NPHS1: variants seen among roughly 807,000 people sequenced by gnomAD.
NPHS1 encodes the protein nephrin.
Under a neutral mutation model 139.7 loss-of-function variants are expected in NPHS1, and 107 were observed. That is an observed-to-expected ratio of 0.77 (90% CI 0.66 to 0.90). The LOEUF is 0.90. NPHS1 is among the 40% of genes least tolerant of loss of function. NPHS1 has a pLI of 0.00. For missense variants in NPHS1, 1,580 were observed against 1,654.2 expected (o/e 0.96, Z 0.78); for synonymous variants, 707 against 706.6 (o/e 1.00, Z -0.01).
At position 35,842,481 on chromosome 19, in the gene NPHS1, G is replaced by C; in HGVS notation, c.2404C>G (p.Arg802Gly). 6.2e-7 allele frequency: 1 copy of C among 1,614,134 alleles called. No individual in the cohort carries two copies. The highest frequency in any genetic ancestry group is 8.5e-7 in the Non-Finnish European group (1 of 1,180,012). The change falls in exon 18 of 29, where the codon CGG becomes GGG. Residue 802 changes from arginine (R) to glycine (G), a missense_variant. Arg to Gly is a moderately radical substitution (Grantham distance 125). Coordinates refer to ENST00000378910, the MANE Select transcript of NPHS1 (RefSeq NM_004646.4). ...KISRGPTGRL[R>G]IHHAKLAQAG... ...TGGGCCAGTTTGGCATGGTGAATCC[G>C]CAGGCGCCCCGTTGGTCCCCTGGAT...
At chr19:35,839,032 G>A (rs1231383259) in intron 22 of NPHS1, among the ~76,000 whole-genome samples, 1 of 152,066 alleles carries the variant, frequency 6.6e-6, no homozygotes, top group Non-Finnish European at 1.5e-5. Context: ...GATAGTATGG[G>A]TTGTGGTTAA....
At chr19:35,837,714 T>G (rs986319942) in intron 22 of NPHS1, among the ~76,000 whole-genome samples, 11 of 151,996 alleles carry the variant, frequency 7.2e-5, no homozygotes, top group African/African-American at 2.7e-4. Flanking sequence ...GTGATTCTCT[T>G]GCCTCAGCCT....
At chr19:35,850,117 T>C (rs1204305873) in intron 5 of NPHS1, among the ~76,000 whole-genome samples, 1 of 152,108 alleles carries the variant, frequency 6.6e-6, no homozygotes. Flanking sequence ...GGTTTCACCA[T>C]GTTGACCCAG....
At chr19:35,847,640 G>C (rs996885457) in intron 11 of NPHS1, among the ~76,000 whole-genome samples, 81 of 150,836 alleles carry the variant, frequency 5.4e-4, no homozygotes, top group African/African-American at 1.9e-3. Context: ...ACAGGCGTGA[G>C]CCACTGTGCC....
At position 35,845,293 on chromosome 19, in the gene NPHS1, A is replaced by C; in HGVS notation, c.1930+75T>G. On this transcript the variant is annotated intron_variant, in intron 14 of 28. Transcript: ENST00000378910. This position sits in a 1 kb window ranked among gnomAD's most constrained non-coding sequence, Gnocchi z 5.5. ...AGAGAGAGAGAAGAGAAAAAGAAGGAAAAAAAGGTAAGACCCAAGGAGTAG... is the reference window on the plus strand; with the variant it reads ...AGAGAGAGAGAAGAGAAAAAGAAGGCAAAAAAGGTAAGACCCAAGGAGTAG... 2.7e-6 allele frequency: 4 copies of C among 1,509,358 alleles called. No individual in the cohort carries two copies. The South Asian group carries it at 4.5e-5, about 17-fold the overall frequency. The allele number at this position is 1,509,358 out of a possible 1,614,324, so 93.5% of individuals were successfully genotyped here. A position where few individuals can be genotyped will look rare whatever the true frequency, so the allele number is the denominator to read the frequency against.
At position 35,844,180 on chromosome 19, in the gene NPHS1, G is replaced by C; in HGVS notation, c.2135C>G (p.Ala712Gly). Residue 712 changes from alanine (A) to glycine (G), a missense_variant, in exon 16 of 29, where the codon GCG becomes GGG. Coordinates refer to ENST00000378910, the MANE Select transcript of NPHS1 (RefSeq NM_004646.4). ...GTGCAGCTGATAGAGGCCGTCGTCC[G>C]CGCGGGTCACATTCCACAGATGCAG... Reference protein sequence around the residue: ...GALHLWNVTRADDGLYQLHCQ... With the variant: ...GALHLWNVTRGDDGLYQLHCQ... 1 of 1,611,364 alleles carries C rather than the reference G, an allele frequency of 6.2e-7. No individual in the cohort carries two copies. The highest frequency in any genetic ancestry group is 8.5e-7 in the Non-Finnish European group (1 of 1,179,992).
intron 22 of NPHS1, among the ~76,000 whole-genome samples, chr19:35,838,171 G>A (rs1442242235): frequency 2.0e-5 from 3 of 151,852 alleles, no homozygotes; most frequent in Admixed American, 6.6e-5. Context: ...TCAAACCCAG[G>A]AGGCGGGGGT....
chr19:35,843,867 G>A (rs1365877224), intron 16 of NPHS1: 6 of 665,878 alleles, frequency 9.0e-6, no homozygotes, highest in Non-Finnish European at 1.5e-5. Context: ...CATTCCTGAC[G>A]GGAGCAGCTT....
Position 35,831,756 on chromosome 19 carries a change from G to A in NPHS1, c.3173C>T (p.Ser1058Leu), listed in dbSNP as rs201503587. ...CAGCACAGGCAGCAGGGGCAGCCCCGAGGGTCCTAGGGGTGGAAGATACCC... is the reference window on the plus strand; with the variant it reads ...CAGCACAGGCAGCAGGGGCAGCCCCAAGGGTCCTAGGGGTGGAAGATACCC... The part of the protein sequence containing the change: ...QLPTEPPSGP[S>L]GLPLLPVLFA... The change falls in exon 24 of 29, where the codon TCG (serine) becomes TTG (leucine). Residue 1058 changes from serine to leucine, a missense_variant. Physicochemically the swap from Ser to Leu is moderately radical, Grantham distance 145. Transcript: ENST00000378910. The A allele has an allele frequency of 2.8e-4, 445 of 1,568,658 alleles. No homozygotes were observed. Among genetic ancestry groups the A allele is most frequent in the Middle Eastern group, 4.1e-4 (2 of 4,898 alleles).
intron 11 of NPHS1, among the ~76,000 whole-genome samples, chr19:35,847,202 C>T (rs1345591153): frequency 2.6e-5 from 4 of 151,662 alleles, no homozygotes; most frequent in Admixed American, 6.6e-5. Context: ...CCTGCCACCA[C>T]GCCTGGCTAA....
At position 35,825,419 on chromosome 19, in the gene NPHS1, AAATGCACCCATCTTAAGTGTAAAGTTC is replaced by A. The variant is rs1972788370; in HGVS notation, c.*1068_*1094del. ...TTGAGATATCATTTATGTACAATAA[AAATGCACCCATCTTAAGTGTAAAGTTC>A]AATGAGTTTTGACAAATCTGTGCAC... On this transcript the variant is annotated 3_prime_UTR_variant, in exon 29 of 29. Transcript: ENST00000378910. 1.3e-5 allele frequency among the ~76,000 whole-genome samples: 2 copies of A among 152,154 alleles called. No individual in the cohort carries two copies. Among genetic ancestry groups the A allele is most frequent in the South Asian group, 4.1e-4 (2 of 4,832 alleles).
At position 35,842,114 on chromosome 19, in the gene NPHS1, TTGGGCTCACC is replaced by T. The variant is rs771953692; in HGVS notation, c.2663_2663+9del. 1 of 1,600,568 alleles carries T rather than the reference TTGGGCTCACC, an allele frequency of 6.2e-7. No homozygotes were observed. Among genetic ancestry groups the T allele is most frequent in the Admixed American group, 1.8e-5 (1 of 56,874 alleles). ...GGGCTGGAGTGCTGCCTGGCTGGGC[TTGGGCTCACC>T]TGGGATCTTGGAGATCCAGAGGGAC... On this transcript the variant is annotated splice_donor_variant and splice_donor_5th_base_variant and coding_sequence_variant and intron_variant, in exon 19 of 29. Coordinates refer to ENST00000378910, the MANE Select transcript of NPHS1 (RefSeq NM_004646.4). LOFTEE classifies it high-confidence loss of function.
Position 35,839,345 on chromosome 19 carries a change from T to C in NPHS1, c.3001A>G (p.Thr1001Ala), listed in dbSNP as rs1467086956. ...VPPQATTFTL[T>A]GLQPSTRYRV... ...TATCTTGTAGAAGGCTGTAGACCAGTCAGCGTGAAGGTGGTGGCCTGGGGT... is the reference window on the plus strand; with the variant it reads ...TATCTTGTAGAAGGCTGTAGACCAGCCAGCGTGAAGGTGGTGGCCTGGGGT... The change falls in exon 22 of 29, where the codon ACT becomes GCT. Residue 1001 changes from threonine to alanine, a missense_variant. By Grantham distance (58) the Thr-to-Ala change is moderately conservative. Coordinates refer to ENST00000378910, the MANE Select transcript of NPHS1 (RefSeq NM_004646.4). The C allele has an allele frequency of 6.2e-7, 1 of 1,614,180 alleles. No homozygotes were observed. Among genetic ancestry groups the C allele is most frequent in the South Asian group, 1.1e-5 (1 of 91,082 alleles).
Position 35,839,543 on chromosome 19 carries a change from C to T in NPHS1, c.2880G>A (p.Glu960=), listed in dbSNP as rs764842890. The T allele has an allele frequency of 1.2e-6, 2 of 1,614,222 alleles. No individual in the cohort carries two copies. Among genetic ancestry groups the T allele is most frequent in the African/African-American group, 2.7e-5 (2 of 75,062 alleles). The part of the protein sequence containing the change: ...VSLTPHSVGL[E]WKPGFDGGLP... ...GGCCCCCATCAAAGCCAGGCTTCCA[C>T]TCCAGCCCCACGGAGTGTGGGGTCA... Residue 960 remains glutamate, a synonymous_variant, in exon 21 of 29, where the codon GAG becomes GAA. Transcript: ENST00000378910.
chr19:35,850,320 G>A (rs747619743), intron 5 of NPHS1, 44 bp downstream of exon 5: 39 of 1,540,038 alleles, frequency 2.5e-5, no homozygotes, highest in Non-Finnish European at 3.3e-5. Flanking sequence ...TTCCCATGGG[G>A]AAAATTAGGG....
In NPHS1 at chr19:35,846,255, C is replaced by T. The variant is rs189830551; in HGVS notation, c.1441-61G>A. 1,945 of 1,517,292 alleles carry T rather than the reference C, an allele frequency of 1.3e-3. 3 individuals are homozygous for T. Among genetic ancestry groups the T allele is most frequent in the Non-Finnish European group, 1.5e-3 (1,682 of 1,128,152 alleles). The allele number at this position is 1,517,292 out of a possible 1,614,324, so 94.0% of individuals were successfully genotyped here. A position where few individuals can be genotyped will look rare whatever the true frequency, so the allele number is the denominator to read the frequency against. On this transcript the variant is annotated intron_variant, in intron 11 of 28. Coordinates refer to ENST00000378910, the MANE Select transcript of NPHS1 (RefSeq NM_004646.4). ...CCTGCCGCTTCCACCAACCCCCAAC[C>T]CCCCTACCCTGCCCACTGGGTTGGT...
chr19:35,848,618 A>G lies in NPHS1; in HGVS notation c.1170+19T>C. The G allele has an allele frequency of 6.2e-7, 1 of 1,612,410 alleles. No homozygotes were observed. Among genetic ancestry groups the G allele is most frequent in the Middle Eastern group, 1.9e-4 (1 of 5,176 alleles). On this transcript the variant is annotated intron_variant, in intron 9 of 28. Coordinates refer to ENST00000378910, the MANE Select transcript of NPHS1 (RefSeq NM_004646.4). ...AGCCCCCTCCATGCTCAGACCCAGG[A>G]GCCTGGCCCCCGCCTCACATCCATG...
chr19:35,844,211 C>A lies in NPHS1; in HGVS notation c.2104G>T (p.Gly702Trp). ...GGPRHRILSS[G>W]ALHLWNVTRA... ...GTCACATTCCACAGATGCAGAGCCC[C>A]GCTGGACAGGATGCGATGCCGGGGG... Residue 702 changes from glycine (G) to tryptophan (W), a missense_variant, in exon 16 of 29, where the codon GGG (glycine) becomes TGG (tryptophan). Transcript: ENST00000378910. 6.2e-7 allele frequency: 1 copy of A among 1,612,770 alleles called. No individual in the cohort carries two copies. The highest frequency in any genetic ancestry group is 2.2e-5 in the East Asian group (1 of 44,886).
intron 5 of NPHS1, 97 bp downstream of exon 5, chr19:35,850,267 A>C (rs1973217557): frequency 1.1e-6 from 1 of 951,876 alleles, no homozygotes; most frequent in Non-Finnish European, 1.7e-6. Flanking sequence ...CCAGATGTTC[A>C]TACCTAGCCC....
Sources: gnomAD v4.1 joint callset for allele counts (sites outside exome capture counted in the v4.1 genomes callset) on GRCh38, gnomAD v4.1.1 for gene constraint, Gnocchi (gnomAD v3.1) non-coding constraint, MANE v1.5 for transcripts, NCBI Gene and HGNC (gene_info 2026-07-23, HGNC 2026-07-21) for gene names.